The following NDST3 variants were observed in gnomAD, a reference collection of about 807,000 sequenced individuals.
The protein encoded by NDST3 is N-deacetylase and N-sulfotransferase 3.
Under a neutral mutation model 96.1 loss-of-function variants are expected in NDST3, and 58 were observed. The observed-to-expected ratio is 0.60, with a 90% CI of 0.49 to 0.75. NDST3 has a LOEUF of 0.75. Ranked by LOEUF, NDST3 falls within the 30% of genes least tolerant of loss-of-function variation. The probability of loss-of-function intolerance (pLI) is 0.00; values close to 1 mark genes in which losing one functional copy is unlikely to be tolerated. For synonymous variants in NDST3, 333 were observed against 359.7 expected, an observed-to-expected ratio of 0.93 and a Z score of 0.84; for missense variants, 788 against 1,034.2, an observed-to-expected ratio of 0.76 and a Z score of 3.27.
chr4:118,169,597 T>C (rs1450463751), intron 6 of NDST3, among the ~76,000 whole-genome samples: 1 of 151,976 alleles, frequency 6.6e-6, no homozygotes, highest in East Asian at 1.9e-4. Context: ...AGTTTGAAAC[T>C]AGCCTGGCCA....
chr4:118,208,529 A>C (rs7688806), intron 6 of NDST3, among the ~76,000 whole-genome samples: 59,695 of 142,972 alleles, frequency 0.42, 17,289 homozygotes, highest in East Asian at 0.55. Context: ...TATCTTTGTG[A>C]CAAACTTTAC....
At chr4:118,038,612 C>A (rs999194875) in intron 1 of NDST3, among the ~76,000 whole-genome samples, 2 of 152,104 alleles carry the variant, frequency 1.3e-5, no homozygotes, top group Admixed American at 6.5e-5. Flanking sequence ...GAAAAGCTTG[C>A]CCTTGTCAAT....
In NDST3 at chr4:118,054,212, C is replaced by A. The variant is rs752697898; in HGVS notation, c.302C>A (p.Ser101Ter). Residue 101 changes from serine to a stop codon, truncating the protein, a stop_gained, in exon 2 of 14, where the codon TCA becomes TAA. Coordinates refer to ENST00000296499, the MANE Select transcript of NDST3 (RefSeq NM_004784.3). LOFTEE classifies it high-confidence loss of function. ...LGQDIIMILESSRFQYHIEIA... is the reference protein window; with the variant it reads ...LGQDIIMILE ...CAAGACATCATTATGATTCTAGAAT[C>A]AAGTAGATTCCAGTATCACATTGAA... 6.2e-7 allele frequency: 1 copy of A among 1,612,922 alleles called. No individual in the cohort carries two copies. The highest frequency in any genetic ancestry group is 8.5e-7 in the Non-Finnish European group (1 of 1,179,356).
chr4:118,113,485 T>C (rs1455563350), intron 3 of NDST3, among the ~76,000 whole-genome samples: 2 of 152,230 alleles, frequency 1.3e-5, no homozygotes, highest in Non-Finnish European at 2.9e-5. Flanking sequence ...GTTTCTTCTG[T>C]ATACATTTGA....
chr4:118,128,266 T>A (rs1732290829), intron 4 of NDST3, among the ~76,000 whole-genome samples: 1 of 152,088 alleles, frequency 6.6e-6, no homozygotes, highest in Admixed American at 6.6e-5. Flanking sequence ...GTCTTCCAGA[T>A]CTTAGAGGAA....
chr4:118,080,243 C>T (rs1185248582), intron 2 of NDST3, among the ~76,000 whole-genome samples: 2 of 152,020 alleles, frequency 1.3e-5, no homozygotes, highest in Non-Finnish European at 2.9e-5. Flanking sequence ...ACAGTTGCTA[C>T]ATCTATGGTG....
chr4:118,222,805 A>G (rs1739638813), intron 6 of NDST3, among the ~76,000 whole-genome samples: 1 of 151,990 alleles, frequency 6.6e-6, no homozygotes. Flanking sequence ...TTTACTTTCC[A>G]TAGTCATGCA....
At chr4:118,207,144 AATACACACAC>A (rs1236873590) in intron 6 of NDST3, among the ~76,000 whole-genome samples, 2 of 67,332 alleles carry the variant, frequency 3.0e-5, no homozygotes, top group African/African-American at 4.8e-5. Flanking sequence ...ATTCTGGAAG[AATACACACAC>A]ACACACACAC....
At chr4:118,116,583 T>A (rs1046290603) in intron 4 of NDST3, among the ~76,000 whole-genome samples, 1 of 152,174 alleles carries the variant, frequency 6.6e-6, no homozygotes, top group African/African-American at 2.4e-5. Context: ...TTAGGCTGGG[T>A]GCAGTGGCTC....
chr4:118,050,365 T>A (rs1725008058), intron 1 of NDST3, among the ~76,000 whole-genome samples: 1 of 151,978 alleles, frequency 6.6e-6, no homozygotes, highest in African/African-American at 2.4e-5. Context: ...GCACTGGAAG[T>A]CCTAGCCAGA....
rs747843029 is a variant in NDST3 at position 118,054,184 on chromosome 4, G to C, written c.274G>C (p.Gly92Arg). ...TGTAGAGAGCCAGTACTCATCTCTTGGTCAAGACATCATTATGATTCTAGA... is the reference window on the plus strand; with the variant it reads ...TGTAGAGAGCCAGTACTCATCTCTTCGTCAAGACATCATTATGATTCTAGA... The part of the protein sequence containing the change: ...VFVESQYSSL[G>R]QDIIMILESS... The change falls in exon 2 of 14, where the codon GGT becomes CGT. Residue 92 changes from glycine (G) to arginine (R), a missense_variant. Gly to Arg is a moderately radical substitution (Grantham distance 125, BLOSUM62 -2). Around this residue, in one of 3 missense-constraint regions of NDST3, gnomAD observed 234 missense variants for 256.9 expected, o/e 0.91. Transcript: ENST00000296499. 9.3e-6 allele frequency: 15 copies of C among 1,612,616 alleles called. No individual in the cohort carries two copies. In the Admixed American group the frequency reaches 2.3e-4, roughly 25 times the overall value.
intron 4 of NDST3, among the ~76,000 whole-genome samples, chr4:118,122,625 G>C (rs554285157): frequency 6.6e-6 from 1 of 151,804 alleles, no homozygotes; most frequent in Non-Finnish European, 1.5e-5. Context: ...CCAATTTCCC[G>C]TTTTTTTCCT....
At chr4:118,160,272 G>T (rs941698766) in intron 6 of NDST3, among the ~76,000 whole-genome samples, 3 of 152,066 alleles carry the variant, frequency 2.0e-5, no homozygotes, top group African/African-American at 7.2e-5. Flanking sequence ...AATGCTGAAA[G>T]AAAAAATAAT....
intron 6 of NDST3, among the ~76,000 whole-genome samples, chr4:118,201,480 G>A (rs1738082460): frequency 6.6e-6 from 1 of 152,136 alleles, no homozygotes; most frequent in Non-Finnish European, 1.5e-5. Context: ...CAGCCATTCT[G>A]ACTGGTGTGA....
rs1327646935 is a variant in NDST3, at chr4:118,205,627, T to C, written c.1540-18864T>C. 1.4e-5 allele frequency among the ~76,000 whole-genome samples: 2 copies of C among 144,404 alleles called. 1 individual carries two copies. The highest frequency in any genetic ancestry group is 3.1e-5 in the Non-Finnish European group (2 of 65,260). 94.7% of individuals were successfully genotyped at this position (144,404 alleles called of 152,430 possible). ...AGATATTAGTCATTTCTTGCTGCTA[T>C]TCTCTGCCAGATAAGTCAATGTAGT... On this transcript the variant is annotated intron_variant, in intron 6 of 13. Coordinates refer to ENST00000296499, the MANE Select transcript of NDST3 (RefSeq NM_004784.3).
chr4:118,084,859 G>T (rs1012571604), intron 2 of NDST3, among the ~76,000 whole-genome samples: 1 of 152,138 alleles, frequency 6.6e-6, no homozygotes. Context: ...GGTGGCTCAC[G>T]CCTGTAATCC....
chr4:118,121,221 G>A lies in NDST3; in HGVS notation c.1224+6261G>A, dbSNP rs183531998. ...TTTGCATCTTCAAGTTATTAGTATT[G>A]TTGAACATATTAATATGGTTAGAGA... On this transcript the variant is annotated intron_variant, in intron 4 of 13. Transcript: ENST00000296499. 3.3e-5 allele frequency among the ~76,000 whole-genome samples: 5 copies of A among 152,126 alleles called. No individual in the cohort carries two copies. In the East Asian group the frequency reaches 9.6e-4, roughly 29 times the overall value.
At chr4:118,108,813 G>A (rs918337839) in intron 3 of NDST3, among the ~76,000 whole-genome samples, 13 of 152,010 alleles carry the variant, frequency 8.6e-5, no homozygotes, top group African/African-American at 2.7e-4. Flanking sequence ...CATAAGAAGC[G>A]TGGAAGCTTT....
chr4:118,143,770 T>A (rs1023200120), intron 6 of NDST3, 86 bp downstream of exon 6: 9 of 1,403,140 alleles, frequency 6.4e-6, no homozygotes, highest in Non-Finnish European at 8.5e-6. Context: ...GATTGGGCAG[T>A]CATCAGCCAA....
Sources: gnomAD v4.1 joint callset for allele counts (sites outside exome capture counted in the v4.1 genomes callset) on GRCh38, gnomAD v4.1.1 for gene constraint, gnomAD v4.1.1 regional missense constraint, MANE v1.5 for transcripts, NCBI Gene and HGNC (gene_info 2026-07-23, HGNC 2026-07-21) for gene names.